Variants in CDC42BPA observed in about 807,000 individuals in gnomAD.
CDC42BPA encodes serine/threonine-protein kinase MRCK alpha.
In CDC42BPA, 80 loss-of-function variants were observed where a neutral mutation model predicts 223.5. That is an observed-to-expected ratio of 0.36 (90% confidence interval 0.30 to 0.43). The LOEUF is 0.43. Ranked by LOEUF, CDC42BPA falls within the 20% of genes least tolerant of loss-of-function variation. CDC42BPA has a pLI of 1.00. For synonymous variants in CDC42BPA, 694 were observed against 718.6 expected, an observed-to-expected ratio of 0.97 and a Z score of 0.55; for missense variants, 1,743 against 2,099.9, an observed-to-expected ratio of 0.83 and a Z score of 3.32.
intron 1 of CDC42BPA, among the ~76,000 whole-genome samples, chr1:227,279,366 AAC>A (rs1460626785): frequency 1.3e-5 from 2 of 152,150 alleles, no homozygotes; most frequent in East Asian, 3.8e-4. Context: ...GCTTTCATAA[AAC>A]AGTTTTTTCA....
chr1:227,230,812 CTTTCTTTCTTTTTTTTTTTTTTT>C, intron 2 of CDC42BPA, among the ~76,000 whole-genome samples: 2 of 111,762 alleles, frequency 1.8e-5, no homozygotes, highest in East Asian at 2.6e-4. Flanking sequence ...TTTCTTTTTT[CTTTCTTTCTTTTTTTTTTTTTTT>C]TTTTGAGACA....
Position 227,044,993 on chromosome 1 carries a change from T to A in CDC42BPA, c.3093+2934A>T, listed in dbSNP as rs74140245. 1.3e-3 allele frequency among the ~76,000 whole-genome samples: 204 copies of A among 152,262 alleles called. 1 individual carries two copies. The highest frequency in any genetic ancestry group is 4.8e-3 in the African/African-American group (200 of 41,540). Reference sequence around the variant, plus strand: ...ACATGGTCAAACACACTGGAAGCCTTTCAGCCCCCTTACCCCTTTCTATTG... The same window carrying A: ...ACATGGTCAAACACACTGGAAGCCTATCAGCCCCCTTACCCCTTTCTATTG... On this transcript the variant is annotated intron_variant, in intron 23 of 36. Coordinates refer to ENST00000366766, the MANE Select transcript of CDC42BPA (RefSeq NM_001394014.1).
chr1:227,166,743 CA>C (rs1313065824), intron 5 of CDC42BPA, among the ~76,000 whole-genome samples: 1 of 152,142 alleles, frequency 6.6e-6, no homozygotes, highest in Non-Finnish European at 1.5e-5. Flanking sequence ...TTCCAATTCC[CA>C]TTAGTGCTCA....
In CDC42BPA at chr1:227,019,250, T is replaced by C. The variant is rs78963586; in HGVS notation, c.4616-2200A>G. On this transcript the variant is annotated intron_variant, in intron 32 of 36. Transcript: ENST00000366766. The stretch of plus-strand genomic sequence containing the variant: ...GAGTAGATTCCATTTCAAGAAACCA[T>C]TTTTTTTTGCTTACCCATGAGATAC... Among the ~76,000 whole-genome samples the C allele has an allele frequency of 1.7e-3, 259 of 151,070 alleles. 7 individuals carry two copies. The East Asian group carries it at 0.043, about 25-fold the overall frequency.
intron 9 of CDC42BPA, among the ~76,000 whole-genome samples, chr1:227,141,357 C>G (rs1358173296): frequency 6.6e-6 from 1 of 152,098 alleles, no homozygotes; most frequent in Non-Finnish European, 1.5e-5. Context: ...GGAGAACTGA[C>G]ATTTGTAAGC....
chr1:227,314,134 T>TG (rs960314264), intron 1 of CDC42BPA, among the ~76,000 whole-genome samples: 1 of 152,094 alleles, frequency 6.6e-6, no homozygotes, highest in Non-Finnish European at 1.5e-5. Flanking sequence ...GTTTACAATG[T>TG]GGAAGTTATT....
chr1:227,250,169 T>A (rs1681720396), intron 2 of CDC42BPA, among the ~76,000 whole-genome samples: 2 of 152,066 alleles, frequency 1.3e-5, no homozygotes, highest in Non-Finnish European at 2.9e-5. Context: ...AAACCTACTA[T>A]GTACCCACAA....
chr1:227,210,154 C>T (rs1283747434), intron 3 of CDC42BPA, among the ~76,000 whole-genome samples: 4 of 152,168 alleles, frequency 2.6e-5, no homozygotes, highest in Non-Finnish European at 5.9e-5. Context: ...CAAGTCTTTG[C>T]TATTGTGAAT....
chr1:227,315,416 T>C (rs1694212828), intron 1 of CDC42BPA, among the ~76,000 whole-genome samples: 1 of 152,060 alleles, frequency 6.6e-6, no homozygotes, highest in Non-Finnish European at 1.5e-5. Context: ...TTATCATAAA[T>C]CATTTAAAAT....
chr1:227,264,686 G>A, intron 1 of CDC42BPA: 1 of 632,758 alleles, frequency 1.6e-6, no homozygotes, highest in South Asian at 2.1e-5. Context: ...TAATTTCAAG[G>A]TAAGAGGCTT....
chr1:227,275,590 TC>T (rs371144525), intron 1 of CDC42BPA, among the ~76,000 whole-genome samples: 7,429 of 127,826 alleles, frequency 0.058, 224 homozygotes, highest in Non-Finnish European at 0.079. Context: ...ATGTTCCCCC[TC>T]CCCCTCCCCC....
At chr1:227,105,173 A>G (rs1268611484) in intron 14 of CDC42BPA, among the ~76,000 whole-genome samples, 2 of 152,080 alleles carry the variant, frequency 1.3e-5, no homozygotes, top group Non-Finnish European at 2.9e-5. Context: ...TTCTACATGC[A>G]CAATTCAATG....
intron 1 of CDC42BPA, among the ~76,000 whole-genome samples, chr1:227,261,598 TCCCCA>T (rs1684088172): frequency 6.6e-6 from 1 of 151,520 alleles, no homozygotes; most frequent in African/African-American, 2.4e-5. Context: ...GGAAGAGAAA[TCCCCA>T]AGAATTAGAA....
intron 2 of CDC42BPA, among the ~76,000 whole-genome samples, chr1:227,241,476 T>C (rs1176783911): frequency 2.6e-5 from 4 of 152,120 alleles, no homozygotes; most frequent in South Asian, 2.1e-4. Flanking sequence ...CTGTGGAACA[T>C]TGATAAAATG....
chr1:227,031,325 T>C lies in CDC42BPA; in HGVS notation c.3748A>G (p.Lys1250Glu). 1 of 1,614,028 alleles carries C rather than the reference T, an allele frequency of 6.2e-7. No individual in the cohort carries two copies. The highest frequency in any genetic ancestry group is 8.5e-7 in the Non-Finnish European group (1 of 1,179,914). ...EAYDSTLPLI[K>E]TTQAAAIIDH... Reference sequence around the variant, plus strand: ...ATGATTGCGGCTGCCTGGGTTGTTTTAATGAGGGGTAGAGTGCTGTCATAA... The same window carrying C: ...ATGATTGCGGCTGCCTGGGTTGTTTCAATGAGGGGTAGAGTGCTGTCATAA... Residue 1250 changes from lysine to glutamate, a missense_variant, in exon 28 of 37, where the codon AAA becomes GAA. Lys to Glu is a moderately conservative substitution (Grantham distance 56). Transcript: ENST00000366766.
intron 2 of CDC42BPA, among the ~76,000 whole-genome samples, chr1:227,225,533 A>C (rs897382709): frequency 2.6e-5 from 4 of 152,220 alleles, no homozygotes; most frequent in African/African-American, 9.6e-5. Flanking sequence ...CACATAAATA[A>C]GGAATTTAAT....
At chr1:227,188,356 A>G (rs1669169363) in intron 5 of CDC42BPA, among the ~76,000 whole-genome samples, 1 of 152,074 alleles carries the variant, frequency 6.6e-6, no homozygotes, top group Non-Finnish European at 1.5e-5. Flanking sequence ...CTCTAGGGTA[A>G]CCATTAAGAA....
At chr1:227,072,497 C>G (rs1448372103) in intron 19 of CDC42BPA, among the ~76,000 whole-genome samples, 198 bp from the exon 20 acceptor site, 1 of 151,916 alleles carries the variant, frequency 6.6e-6, no homozygotes, top group Non-Finnish European at 1.5e-5. Flanking sequence ...CACAGCCAAT[C>G]TCATTCATTT....
chr1:227,304,182 G>A (rs1033706556), intron 1 of CDC42BPA, among the ~76,000 whole-genome samples: 1 of 152,078 alleles, frequency 6.6e-6, no homozygotes, highest in African/African-American at 2.4e-5. Context: ...CGAGGTGGGC[G>A]CATCACTTGA....
Sources: allele counts gnomAD v4.1 joint callset (sites outside exome capture counted in the v4.1 genomes callset), GRCh38; gene constraint gnomAD v4.1.1; transcripts MANE v1.5; gene names NCBI Gene and HGNC (gene_info 2026-07-23, HGNC 2026-07-21).